YIF1B: variants seen among roughly 807,000 people sequenced by gnomAD.
The protein encoded by YIF1B is protein YIF1B.
YIF1B carries 24 observed loss-of-function variants against 34.6 expected under a neutral mutation model. The observed-to-expected ratio is 0.69, with a 90% CI of 0.50 to 0.98. The LOEUF (loss-of-function observed/expected upper bound fraction) is 0.98. YIF1B is among the 50% of genes least tolerant of loss of function. YIF1B has a pLI of 0.00. For synonymous variants in YIF1B, 186 were observed against 184.8 expected, an observed-to-expected ratio of 1.01 and a Z score of -0.05; for missense variants, 368 against 429.4, an observed-to-expected ratio of 0.86 and a Z score of 1.26.
upstream of YIF1B, among the ~76,000 whole-genome samples, chr19:38,319,182 G>C (rs187778961): frequency 4.4e-4 from 66 of 151,648 alleles, 1 homozygote; most frequent in African/African-American, 1.5e-3. Context: ...CTGCAGCCTC[G>C]AACTCCTGGG....
At chr19:38,310,497 CATCT>C (rs1453633129) in intron 1 of YIF1B, among the ~76,000 whole-genome samples, 11 of 150,476 alleles carry the variant, frequency 7.3e-5, no homozygotes, top group Non-Finnish European at 1.5e-4. Context: ...ATCATCCATC[CATCT>C]AACCATCCAT....
upstream of YIF1B, chr19:38,316,106 C>T: frequency 1.1e-6 from 1 of 899,068 alleles, no homozygotes; most frequent in South Asian, 2.9e-5. Context: ...ACGTAAGAGG[C>T]GGAGACTGGG....
At chr19:38,319,985 C>T, upstream of YIF1B, 1 of 1,472,494 alleles carries the variant, frequency 6.8e-7, no homozygotes, top group South Asian at 1.3e-5. Flanking sequence ...GGCGCCTTGG[C>T]CGCGTACGCC....
At chr19:38,312,854 C>G (rs1335050409) in intron 1 of YIF1B, among the ~76,000 whole-genome samples, 1 of 152,188 alleles carries the variant, frequency 6.6e-6, no homozygotes, top group East Asian at 1.9e-4. Context: ...CTCAATTATT[C>G]GAAGCCTGAA....
At chr19:38,314,000 G>A (rs970096883) in intron 1 of YIF1B, among the ~76,000 whole-genome samples, 1 of 152,084 alleles carries the variant, frequency 6.6e-6, no homozygotes, top group African/African-American at 2.4e-5. Context: ...ACTTGGCACA[G>A]GCCTCCAATG....
intron 1 of YIF1B, among the ~76,000 whole-genome samples, chr19:38,310,616 A>C (rs1969291150): frequency 6.6e-6 from 1 of 152,152 alleles, no homozygotes; most frequent in Non-Finnish European, 1.5e-5. Flanking sequence ...TATTGGGCAC[A>C]AAATCCTGTA....
At position 38,309,536 on chromosome 19, in the gene YIF1B, G is replaced by A. The variant is rs11556992; in HGVS notation, c.166C>T (p.Pro56Ser). 87,153 of 1,605,426 alleles carry A rather than the reference G, an allele frequency of 0.054. 4,019 individuals are homozygous for A. Among genetic ancestry groups the A allele is most frequent in the East Asian group, 0.26 (11,450 of 44,494 alleles). ...QSRGYGAQRA[P>S]GGLSYPAASP... ...GCTGCAGGATAACTCAGGCCACCAGGTGCCCGCTGGGCCCCATAGCCCCGG... is the reference window on the plus strand; with the variant it reads ...GCTGCAGGATAACTCAGGCCACCAGATGCCCGCTGGGCCCCATAGCCCCGG... The change falls in exon 2 of 8, where the codon CCT (proline) becomes TCT (serine). Residue 56 changes from proline to serine, a missense_variant. By Grantham distance (74) the Pro-to-Ser change is moderately conservative. This residue lies in a region of YIF1B where 153 missense variants were observed against 156.7 expected (regional missense o/e 0.98). Transcript: ENST00000339413.
At chr19:38,317,658 C>T (rs1421869681), upstream of YIF1B, among the ~76,000 whole-genome samples, 5 of 152,024 alleles carry the variant, frequency 3.3e-5, no homozygotes, top group African/African-American at 1.2e-4. Context: ...CGGCTCACTG[C>T]AACCTTTGCC....
At position 38,309,347 on chromosome 19, in the gene YIF1B, AGTCT is replaced by A. The variant is rs1309975546; in HGVS notation, c.298-23_298-20del. 6.2e-6 allele frequency: 10 copies of A among 1,613,664 alleles called. No individual in the cohort carries two copies. In the African/African-American group the frequency reaches 1.2e-4, roughly 19 times the overall value. On this transcript the variant is annotated intron_variant, in intron 2 of 7. Transcript: ENST00000339413. ...GGTCGATCTGGGGAGGCAGAGCTCA[AGTCT>A]GAAGCCCTGTGGCCCCGTGCATCCC...
rs1401171569 is a variant in YIF1B at position 38,305,013 on chromosome 19, TG to T, written c.*338del. On this transcript the variant is annotated 3_prime_UTR_variant, in exon 8 of 8. Transcript: ENST00000339413. ...AACCTTCCTCTCTGCCTTCTGCGAC[TG>T]GTCAGCGTGGTGCCTACTCTGGCCC... The T allele has an allele frequency of 6.4e-7, 1 of 1,555,320 alleles. No homozygotes were observed. The highest frequency in any genetic ancestry group is 1.4e-5 in the African/African-American group (1 of 73,196).
upstream of YIF1B, among the ~76,000 whole-genome samples, chr19:38,316,650 G>T (rs148660092): frequency 6.6e-6 from 1 of 152,178 alleles, no homozygotes; most frequent in East Asian, 1.9e-4. Flanking sequence ...AATTGGAGTT[G>T]TAGGGGCTTA....
chr19:38,307,362 G>T, intron 7 of YIF1B, 66 bp downstream of exon 7: 1 of 1,531,974 alleles, frequency 6.5e-7, no homozygotes, highest in Non-Finnish European at 9.0e-7. Flanking sequence ...GACATCCTCT[G>T]CTTGGATGCC....
chr19:38,308,713 C>T, intron 5 of YIF1B, 79 bp downstream of exon 5: 2 of 1,574,814 alleles, frequency 1.3e-6, no homozygotes, highest in Non-Finnish European at 1.7e-6. Flanking sequence ...GGAACTGAGA[C>T]CTTGGAACTG....
At chr19:38,313,262 CT>C (rs771234619) in intron 1 of YIF1B, among the ~76,000 whole-genome samples, 165 of 107,318 alleles carry the variant, frequency 1.5e-3, no homozygotes, top group Middle Eastern at 9.3e-3. Context: ...CCAGAGTGAT[CT>C]TTTTTTTTTT....
In YIF1B at chr19:38,313,096, C is replaced by T. The variant is rs942580052; in HGVS notation, c.58+2764G>A. The stretch of plus-strand genomic sequence containing the variant: ...CCTCCTGTGTAGCTAGGATTATAGG[C>T]GCACGCCACCAAGCCCAGGTAATTT... On this transcript the variant is annotated intron_variant, in intron 1 of 7. Transcript: ENST00000339413. 6.6e-5 allele frequency among the ~76,000 whole-genome samples: 10 copies of T among 151,918 alleles called. No homozygotes were observed. In the East Asian group the frequency reaches 9.6e-4, roughly 15 times the overall value.
chr19:38,314,254 G>A (rs912134782), intron 1 of YIF1B, among the ~76,000 whole-genome samples: 18 of 149,982 alleles, frequency 1.2e-4, no homozygotes, highest in African/African-American at 3.5e-4. Context: ...GAGTGCAGTG[G>A]TGAAATCTCG....
chr19:38,310,352 CACCT>C (rs975630556), intron 1 of YIF1B, among the ~76,000 whole-genome samples: 2 of 149,014 alleles, frequency 1.3e-5, no homozygotes, highest in African/African-American at 5.0e-5. Flanking sequence ...CCCATCCACC[CACCT>C]ATCTAGCCAA....
At chr19:38,309,701 G>A (rs1969233781) in intron 1 of YIF1B, 58 bp from the exon 2 acceptor site, 1 of 1,544,336 alleles carries the variant, frequency 6.5e-7, no homozygotes, top group Non-Finnish European at 8.7e-7. Context: ...GGGAGACCTG[G>A]CGAACCTCAT....
At position 38,305,130 on chromosome 19, in the gene YIF1B, TTTA is replaced by T. The variant is rs2146292088; in HGVS notation, c.*219_*221del. On this transcript the variant is annotated 3_prime_UTR_variant, in exon 8 of 8. Coordinates refer to ENST00000339413, the MANE Select transcript of YIF1B (RefSeq NM_001039672.3). ...GCTGTCCACGCCATGCCCATCAGGG[TTTA>T]TTGTTTCTGTAACAGCGGCCACGCC... The T allele has an allele frequency of 7.0e-7, 1 of 1,422,506 alleles. No individual in the cohort carries two copies. The highest frequency in any genetic ancestry group is 9.4e-7 in the Non-Finnish European group (1 of 1,069,214). 88.1% of individuals were successfully genotyped at this position (1,422,506 alleles called of 1,614,324 possible). A position where few individuals can be genotyped will look rare whatever the true frequency, so the allele number is the denominator to read the frequency against.
Sources: allele counts gnomAD v4.1 joint callset (sites outside exome capture counted in the v4.1 genomes callset), GRCh38; gene constraint gnomAD v4.1.1; regional missense constraint gnomAD v4.1.1; transcripts MANE v1.5; gene names NCBI Gene and HGNC (gene_info 2026-07-23, HGNC 2026-07-21).